Variants in SLC9A7 observed in about 807,000 individuals in gnomAD.
SLC9A7 encodes solute carrier family 9 member A7, also known as sodium/hydrogen exchanger 7.
A neutral mutation model predicts 52.6 loss-of-function variants in SLC9A7; 19 were observed. The observed-to-expected ratio is 0.36, with a 90% CI of 0.25 to 0.53. The LOEUF (loss-of-function observed/expected upper bound fraction) is 0.53. Ranked by LOEUF, SLC9A7 falls within the 20% of genes least tolerant of loss-of-function variation. The pLI, the probability that SLC9A7 is intolerant of heterozygous loss-of-function variation, is 0.91. For missense variants in SLC9A7, 455 were observed against 597.9 expected (o/e 0.76, Z 2.49); for synonymous variants, 226 against 252.1 (o/e 0.90, Z 0.98).
chrX:46,669,688 T>C lies in SLC9A7; in HGVS notation c.712A>G (p.Lys238Glu). 8.5e-7 allele frequency: 1 copy of C among 1,175,149 alleles called. No homozygotes were observed. The highest frequency in any genetic ancestry group is 1.1e-6 in the Non-Finnish European group (1 of 869,593). The change falls in exon 5 of 17, where the codon AAG (lysine) becomes GAG (glutamate). Residue 238 changes from lysine (K) to glutamate (E), a missense_variant. Lys to Glu is a moderately conservative substitution (Grantham distance 56). Around this residue, in one of 3 missense-constraint regions of SLC9A7, gnomAD observed 304 missense variants for 417.8 expected, o/e 0.73. Transcript: ENST00000616978. ...TTATCTGAGAGCTGTCCCATAATCT[T>C]CATGAGCTTCACCACACCATACATG... Reference protein sequence around the residue: ...NLMYGVVKLMKIMGQLSDKFY... With the variant: ...NLMYGVVKLMEIMGQLSDKFY...
At chrX:46,738,189 T>C (rs938587149) in intron 1 of SLC9A7, among the ~76,000 whole-genome samples, 1 of 112,706 alleles carries the variant, frequency 8.9e-6, no homozygotes, top group African/African-American at 3.2e-5. Flanking sequence ...ACTAATAGTC[T>C]CACCTGAGTT....
At chrX:46,744,592 T>C (rs7889961) in intron 1 of SLC9A7, among the ~76,000 whole-genome samples, 1,812 of 112,086 alleles carry the variant, frequency 0.016, 31 homozygotes, top group African/African-American at 0.056. Context: ...TCTCGATCTC[T>C]AGCTTCTCAG....
At position 46,663,205 on chromosome X, in the gene SLC9A7, C is replaced by T. The variant is rs1049759525; in HGVS notation, c.794-562G>A. ...AAAATTAGCCAGGCATGGTGGCACA[C>T]GCCTGTAATCCCAGCTACTTGAGAG... On this transcript the variant is annotated intron_variant, in intron 5 of 16. Coordinates refer to ENST00000616978, the MANE Select transcript of SLC9A7 (RefSeq NM_001257291.2). 5.4e-5 allele frequency among the ~76,000 whole-genome samples: 6 copies of T among 110,282 alleles called. No individual in the cohort carries two copies. In the East Asian group the frequency reaches 1.7e-3, roughly 32 times the overall value.
Position 46,675,051 on chromosome X carries a change from G to A in SLC9A7, c.604-2424C>T, listed in dbSNP as rs867122592. Among the ~76,000 whole-genome samples the A allele has an allele frequency of 3.6e-4, 38 of 104,340 alleles. 1 individual carries two copies. The highest frequency in any genetic ancestry group is 4.9e-3 in the Middle Eastern group (1 of 206). 90.6% of individuals were successfully genotyped at this position (104,340 alleles called of 115,157 possible). Reference sequence around the variant, plus strand: ...TGAGGGAGAGAGAGAGAGAAAGAGAGAGAGAGTGAATGTGTGTGTGTGTGT... The same window carrying A: ...TGAGGGAGAGAGAGAGAGAAAGAGAAAGAGAGTGAATGTGTGTGTGTGTGT... On this transcript the variant is annotated intron_variant, in intron 3 of 16. Coordinates refer to ENST00000616978, the MANE Select transcript of SLC9A7 (RefSeq NM_001257291.2).
chrX:46,708,447 T>C lies in SLC9A7; in HGVS notation c.326-25912A>G, dbSNP rs192494367. On this transcript the variant is annotated intron_variant, in intron 1 of 16. Transcript: ENST00000616978. Reference sequence around the variant, plus strand: ...CAGGAGGCTGATGCAGGAGAATTGCTTGAACCCAGGAGGCAGAGGTTGTAG... The same window carrying C: ...CAGGAGGCTGATGCAGGAGAATTGCCTGAACCCAGGAGGCAGAGGTTGTAG... Among the ~76,000 whole-genome samples the C allele has an allele frequency of 7.3e-3, 804 of 110,494 alleles. 3 individuals are homozygous for C. The highest frequency in any genetic ancestry group is 0.014 in the South Asian group (37 of 2,581).
intron 1 of SLC9A7, among the ~76,000 whole-genome samples, chrX:46,706,446 A>T (rs1205016792): frequency 9.2e-6 from 1 of 109,165 alleles, no homozygotes; most frequent in East Asian, 2.9e-4. Context: ...ACTGTGTTTG[A>T]AACCTTCCAT....
intron 14 of SLC9A7, among the ~76,000 whole-genome samples, chrX:46,629,403 T>C: frequency 8.9e-6 from 1 of 112,338 alleles, no homozygotes; most frequent in East Asian, 2.8e-4. Context: ...TTGGACCTGC[T>C]GCTTTCTCAC....
intron 12 of SLC9A7, among the ~76,000 whole-genome samples, chrX:46,637,154 T>C (rs186081012): frequency 8.9e-6 from 1 of 112,113 alleles, no homozygotes; most frequent in East Asian, 2.8e-4. Context: ...CATTATTTAT[T>C]ACCACATTTT....
chrX:46,634,809 G>T (rs373950527), intron 13 of SLC9A7, among the ~76,000 whole-genome samples: 47 of 111,827 alleles, frequency 4.2e-4, no homozygotes, highest in Middle Eastern at 4.6e-3. Context: ...TTTCACCACT[G>T]CCCTCAAGGA....
At chrX:46,690,711 T>A (rs953950908) in intron 1 of SLC9A7, among the ~76,000 whole-genome samples, 25 of 112,225 alleles carry the variant, frequency 2.2e-4, no homozygotes, top group African/African-American at 7.4e-4. Context: ...ATATTTCTTA[T>A]GTTTTTAAGT....
Position 46,648,876 on chromosome X carries a change from T to G in SLC9A7, c.1351-79A>C, listed in dbSNP as rs1943536958. 1.9e-5 allele frequency: 14 copies of G among 724,683 alleles called. No homozygotes were observed. The South Asian group carries it at 3.0e-4, about 16-fold the overall frequency. The allele number at this position is 724,683 out of a possible 1,213,427, so 59.7% of individuals were successfully genotyped here. ...CACAACCTCCGGCTGAGCAGAGAAT[T>G]TTAGGAATGCTGTGACACCTCGTTA... On this transcript the variant is annotated intron_variant, in intron 10 of 16. Transcript: ENST00000616978.
rs116487345 is a variant in SLC9A7, at chrX:46,686,262, C to T, written c.326-3727G>A. ...GTGGTTAAAATATGGCAACACAAAA[C>T]ACCACAGCAGAGATGTAAGGTTAAC... On this transcript the variant is annotated intron_variant, in intron 1 of 16. Transcript: ENST00000616978. Among the ~76,000 whole-genome samples the T allele has an allele frequency of 6.7e-3, 751 of 111,941 alleles. 6 individuals are homozygous for T. Among genetic ancestry groups the T allele is most frequent in the African/African-American group, 0.023 (720 of 30,801 alleles).
At chrX:46,609,005 G>A (rs574223914) in intron 16 of SLC9A7, among the ~76,000 whole-genome samples, 2 of 110,735 alleles carry the variant, frequency 1.8e-5, no homozygotes, top group African/African-American at 3.3e-5. Flanking sequence ...TCCCTGTCTC[G>A]GCACATCCCA....
chrX:46,606,735 G>T lies in SLC9A7; in HGVS notation c.*217C>A. On this transcript the variant is annotated 3_prime_UTR_variant, in exon 17 of 17. Coordinates refer to ENST00000616978, the MANE Select transcript of SLC9A7 (RefSeq NM_001257291.2). ...AACAGCGCACTACTATGTGAAAAAA[G>T]TGGGAATAGGTCTACGTTTGTCTGA... 9.3e-7 allele frequency: 1 copy of T among 1,075,138 alleles called. No homozygotes were observed. The highest frequency in any genetic ancestry group is 3.9e-5 in the Admixed American group (1 of 25,531). 88.6% of individuals were successfully genotyped at this position (1,075,138 alleles called of 1,213,427 possible). A position where few individuals can be genotyped will look rare whatever the true frequency, so the allele number is the denominator to read the frequency against.
intron 1 of SLC9A7, among the ~76,000 whole-genome samples, chrX:46,754,152 CA>C (rs1351673382): frequency 9.0e-6 from 1 of 111,505 alleles, no homozygotes; most frequent in African/African-American, 3.3e-5. Context: ...CACTACTGAA[CA>C]AACCTCAAGT....
Position 46,685,413 on chromosome X carries a change from G to A in SLC9A7, c.326-2878C>T, listed in dbSNP as rs190955158. ...ATACATCTCACCCAGTGTCATTCCT[G>A]TGGACGAAACCATATATATTTCTTA... On this transcript the variant is annotated intron_variant, in intron 1 of 16. Transcript: ENST00000616978. The A allele has an allele frequency of 1.6e-3, 184 of 113,052 alleles. 1 individual carries two copies. The highest frequency in any genetic ancestry group is 2.4e-3 in the Admixed American group (26 of 10,687). The allele number at this position is 113,052 out of a possible 1,213,427, so 9.3% of individuals were successfully genotyped here.
intron 1 of SLC9A7, among the ~76,000 whole-genome samples, chrX:46,709,130 G>A (rs1486360885): frequency 3.6e-5 from 4 of 111,726 alleles, no homozygotes; most frequent in Non-Finnish European, 5.7e-5. Context: ...CACTAAACTC[G>A]TGGTGACACA....
At chrX:46,617,532 C>A (rs1335984075) in intron 15 of SLC9A7, among the ~76,000 whole-genome samples, 1 of 111,805 alleles carries the variant, frequency 8.9e-6, no homozygotes, top group Non-Finnish European at 1.9e-5. Flanking sequence ...CTTTAGGTAT[C>A]TGTGGCTTGA....
intron 1 of SLC9A7, chrX:46,725,859 C>T: frequency 4.0e-6 from 2 of 498,893 alleles, no homozygotes; most frequent in Non-Finnish European, 7.3e-6. Flanking sequence ...GGAGCAAAAC[C>T]ATAAACCACT....
Sources: gnomAD v4.1 joint callset for allele counts (sites outside exome capture counted in the v4.1 genomes callset) on GRCh38, gnomAD v4.1.1 for gene constraint, gnomAD v4.1.1 regional missense constraint, MANE v1.5 for transcripts, NCBI Gene and HGNC (gene_info 2026-07-23, HGNC 2026-07-21) for gene names.